Variants in HNF1A observed in about 807,000 individuals in gnomAD.
HNF1A encodes the protein hepatocyte nuclear factor 1-alpha.
HNF1A carries 21 observed loss-of-function variants against 62.2 expected under a neutral mutation model. That is an observed-to-expected ratio of 0.34 (90% CI 0.24 to 0.49). The LOEUF is 0.49. HNF1A is among the 20% of genes least tolerant of loss of function. HNF1A has a pLI of 0.99. For synonymous variants in HNF1A, 374 were observed against 366.8 expected, an observed-to-expected ratio of 1.02 and a Z score of -0.22; for missense variants, 687 against 832.3, an observed-to-expected ratio of 0.83 and a Z score of 2.15.
rs1024131753 is a variant in HNF1A, at chr12:120,978,551, T to C, written c.-218T>C. On this transcript the variant is annotated 5_prime_UTR_variant, in exon 1 of 10. It removes an upstream start codon present in the reference 5' UTR. Transcript: ENST00000257555. ...CCTTGGAGAATTTCCCCAGCTCCAA[T>C]GTAAACAGAACAGGCAGGGGCCCTG... is the stretch of plus-strand genomic sequence containing the variant. 1.1e-5 allele frequency: 7 copies of C among 615,748 alleles called. No individual in the cohort carries two copies. The highest frequency in any genetic ancestry group is 2.0e-5 in the Non-Finnish European group (7 of 345,806). The allele number at this position is 615,748 out of a possible 1,614,324, so 38.1% of individuals were successfully genotyped here.
chr12:120,983,703 A>G (rs1402572719), intron 1 of HNF1A, among the ~76,000 whole-genome samples: 1 of 151,590 alleles, frequency 6.6e-6, no homozygotes, highest in Non-Finnish European at 1.5e-5. Context: ...ACGACACCAC[A>G]CCCAGCTAAT....
chr12:120,982,870 A>C (rs759455574), intron 1 of HNF1A, among the ~76,000 whole-genome samples: 2 of 152,050 alleles, frequency 1.3e-5, no homozygotes, highest in Non-Finnish European at 1.5e-5. Flanking sequence ...TTGACCATCA[A>C]CTCACTTCCA....
chr12:121,002,026 C>G lies in HNF1A; in HGVS notation c.*834C>G. 1.9e-6 allele frequency: 1 copy of G among 536,920 alleles called. No individual in the cohort carries two copies. Among genetic ancestry groups the G allele is most frequent in the Non-Finnish European group, 3.6e-6 (1 of 276,754 alleles). The allele number at this position is 536,920 out of a possible 1,614,324, so 33.3% of individuals were successfully genotyped here. A position where few individuals can be genotyped will look rare whatever the true frequency, so the allele number is the denominator to read the frequency against. ...GGGAGCCTCGCAACCCGTGCCAAGT[C>G]CAGGTCCTGGTGGGGCAGCTCCTCT... On this transcript the variant is annotated 3_prime_UTR_variant, in exon 10 of 10. Transcript: ENST00000257555.
chr12:120,994,426 A>G (rs2135842862), intron 4 of HNF1A, 21 bp downstream of exon 4: 1 of 1,577,748 alleles, frequency 6.3e-7, no homozygotes, highest in Admixed American at 1.8e-5. Context: ...TGTGGGGACA[A>G]GGGACACGTG....
chr12:120,994,690 TCACTC>T (rs1231943954), intron 4 of HNF1A, among the ~76,000 whole-genome samples: 13 of 147,374 alleles, frequency 8.8e-5, no homozygotes, highest in African/African-American at 3.3e-4. Context: ...TCTACTCCAT[TCACTC>T]CACTCAACTC....
rs919989777 is a variant in HNF1A at position 120,981,289 on chromosome 12, G to T, written c.326+2195G>T. On this transcript the variant is annotated intron_variant, in intron 1 of 9. Coordinates refer to ENST00000257555, the MANE Select transcript of HNF1A (RefSeq NM_000545.8). ...AGTCAGTGTCTGGGAAGAAGCCGGG[G>T]TGGGTCCTGGGTCCCAGGCCTCCCT... 1.6e-4 allele frequency among the ~76,000 whole-genome samples: 24 copies of T among 152,328 alleles called. 1 individual carries two copies. Among genetic ancestry groups the T allele is most frequent in the African/African-American group, 5.8e-4 (24 of 41,584 alleles).
chr12:120,979,161 G>GC, intron 1 of HNF1A, 67 bp downstream of exon 1: 1 of 1,417,172 alleles, frequency 7.1e-7, no homozygotes, highest in Non-Finnish European at 9.7e-7. Flanking sequence ...CTCCTAACGA[G>GC]CCCCCCTTCT....
intron 9 of HNF1A, chr12:121,000,628 C>T (rs528766217): frequency 1.1e-4 from 25 of 231,870 alleles, no homozygotes; most frequent in Non-Finnish European, 1.4e-4. Context: ...TCTGGGAAAC[C>T]GGTTTTTGCT....
At chr12:120,991,509 G>T (rs777573369) in intron 2 of HNF1A, among the ~76,000 whole-genome samples, 1 of 152,214 alleles carries the variant, frequency 6.6e-6, no homozygotes, top group Non-Finnish European at 1.5e-5. Flanking sequence ...CAAGGGAATC[G>T]CTTGAACCCA....
At position 120,996,914 on chromosome 12, in the gene HNF1A, A is replaced by G; in HGVS notation, c.1309+172A>G. The G allele has an allele frequency of 6.6e-7, 1 of 1,512,914 alleles. No homozygotes were observed. Among genetic ancestry groups the G allele is most frequent in the Non-Finnish European group, 9.0e-7 (1 of 1,113,848 alleles). 93.7% of individuals were successfully genotyped at this position (1,512,914 alleles called of 1,614,324 possible). On this transcript the variant is annotated intron_variant, in intron 6 of 9. Transcript: ENST00000257555. The surrounding 1 kb of genome is among the most constrained non-coding windows in gnomAD (Gnocchi z 4.5). ...TACATCAGTGATACCTGGGTGAACC[A>G]AACAGACCAAAATCTCAGCAACTCA...
In HNF1A at chr12:120,978,644, G is replaced by T. The variant is rs899708954; in HGVS notation, c.-125G>T. 11 of 918,196 alleles carry T rather than the reference G, an allele frequency of 1.2e-5. No individual in the cohort carries two copies. In the Admixed American group the frequency reaches 1.6e-4, roughly 13 times the overall value. 56.9% of individuals were successfully genotyped at this position (918,196 alleles called of 1,614,324 possible). A position where few individuals can be genotyped will look rare whatever the true frequency, so the allele number is the denominator to read the frequency against. The stretch of plus-strand genomic sequence containing the variant: ...CACAGGGCTTGGCTAGTGGGGTTTT[G>T]GGGGGGCAGTGGGTGCAAGGAGTTT... On this transcript the variant is annotated 5_prime_UTR_variant, in exon 1 of 10. Coordinates refer to ENST00000257555, the MANE Select transcript of HNF1A (RefSeq NM_000545.8).
chr12:120,999,510 A>G lies in HNF1A; in HGVS notation c.1651A>G (p.Ser551Gly). 1 of 1,613,602 alleles carries G rather than the reference A, an allele frequency of 6.2e-7. No homozygotes were observed. Among genetic ancestry groups the G allele is most frequent in the Non-Finnish European group, 8.5e-7 (1 of 1,179,928 alleles). ...QVFTSDTEASSESGLHTPASQ... is the reference protein window; with the variant it reads ...QVFTSDTEASGESGLHTPASQ... ...CTTCACCTCAGACACTGAGGCCTCC[A>G]GTGAGTCCGGGCTTCACACGCCGGC... The change falls in exon 9 of 10, where the codon AGT becomes GGT. Residue 551 changes from serine to glycine, a missense_variant. By Grantham distance (56) the Ser-to-Gly change is moderately conservative (BLOSUM62 0). Around this residue, in one of 5 missense-constraint regions of HNF1A, gnomAD observed 408 missense variants for 455.3 expected, o/e 0.90. Transcript: ENST00000257555.
chr12:120,980,328 G>C (rs1341008145), intron 1 of HNF1A, among the ~76,000 whole-genome samples: 6 of 152,082 alleles, frequency 3.9e-5, no homozygotes, highest in Non-Finnish European at 8.8e-5. Context: ...TGCTCCAAAG[G>C]GGCCCATCTC....
At chr12:120,993,883 C>T (rs960196752) in intron 3 of HNF1A, among the ~76,000 whole-genome samples, 177 bp downstream of exon 3, 1 of 152,134 alleles carries the variant, frequency 6.6e-6, no homozygotes, top group Non-Finnish European at 1.5e-5. Context: ...CCTCGCAGCC[C>T]CCCTGCACCC....
rs190227016 is a variant in HNF1A at position 120,990,970 on chromosome 12, C to T, written c.526+1938C>T. On this transcript the variant is annotated intron_variant, in intron 2 of 9. Coordinates refer to ENST00000257555, the MANE Select transcript of HNF1A (RefSeq NM_000545.8). ...TGTGTTTTGTCTCTTGGCAATAAAT[C>T]CTGTATATCTTTTCATATTGGCACT... Among the ~76,000 whole-genome samples the T allele has an allele frequency of 6.6e-5, 10 of 152,194 alleles. No homozygotes were observed. In the East Asian group the frequency reaches 1.7e-3, roughly 26 times the overall value.
chr12:120,988,412 T>C (rs1000425895), intron 1 of HNF1A, among the ~76,000 whole-genome samples: 7 of 148,626 alleles, frequency 4.7e-5, no homozygotes, highest in African/African-American at 1.8e-4. Flanking sequence ...ATCCACCCAT[T>C]CGCCCATCCA....
At position 120,979,040 on chromosome 12, in the gene HNF1A, A is replaced by G. The variant is rs1054762079; in HGVS notation, c.272A>G (p.Asn91Ser). The G allele has an allele frequency of 6.2e-7, 1 of 1,612,130 alleles. No homozygotes were observed. The highest frequency in any genetic ancestry group is 1.7e-5 in the Admixed American group (1 of 59,730). ...CCACCCATCCTCAAAGAGCTGGAGA[A>G]CCTCAGCCCTGAGGAGGCGGCCCAC... ...FTPPILKELE[N>S]LSPEEAAHQK... The change falls in exon 1 of 10, where the codon AAC becomes AGC. Residue 91 changes from asparagine (N) to serine (S), a missense_variant. By Grantham distance (46) the Asn-to-Ser change is conservative (BLOSUM62 1). Coordinates refer to ENST00000257555, the MANE Select transcript of HNF1A (RefSeq NM_000545.8).
At chr12:120,992,588 A>T (rs1876888595) in intron 2 of HNF1A, among the ~76,000 whole-genome samples, 1 of 152,178 alleles carries the variant, frequency 6.6e-6, no homozygotes, top group South Asian at 2.1e-4. Context: ...ATACAGTTCA[A>T]TGAATTTTCA....
rs912873808 is a variant in HNF1A, at chr12:121,001,749, G to A, written c.*557G>A. ...ACTGACCCCATCACCTACTCACACA[G>A]GCATTTCCTGGGTGGCTACTCTGTG... is the stretch of plus-strand genomic sequence containing the variant. On this transcript the variant is annotated 3_prime_UTR_variant, in exon 10 of 10. Coordinates refer to ENST00000257555, the MANE Select transcript of HNF1A (RefSeq NM_000545.8). 1 of 533,570 alleles carries A rather than the reference G, an allele frequency of 1.9e-6. No individual in the cohort carries two copies. The highest frequency in any genetic ancestry group is 1.9e-5 in the African/African-American group (1 of 53,800). The allele number at this position is 533,570 out of a possible 1,614,324, so 33.1% of individuals were successfully genotyped here. A position where few individuals can be genotyped will look rare whatever the true frequency, so the allele number is the denominator to read the frequency against.
Sources: allele counts gnomAD v4.1 joint callset (sites outside exome capture counted in the v4.1 genomes callset), GRCh38; gene constraint gnomAD v4.1.1; regional missense constraint gnomAD v4.1.1; non-coding constraint Gnocchi (gnomAD v3.1); transcripts MANE v1.5; gene names NCBI Gene and HGNC (gene_info 2026-07-23, HGNC 2026-07-21).